Variants in USP4 observed in about 807,000 individuals in gnomAD.
USP4 encodes the protein ubiquitin carboxyl-terminal hydrolase 4.
Under a neutral mutation model 118.2 loss-of-function variants are expected in USP4, and 72 were observed. The observed-to-expected ratio is 0.61, with a 90% CI of 0.50 to 0.74. The LOEUF is 0.74. USP4 is among the 30% of genes least tolerant of loss of function. USP4 has a pLI of 0.00. For synonymous variants in USP4, 415 were observed against 440.4 expected (o/e 0.94, Z 0.72); for missense variants, 1,037 against 1,185.7 (o/e 0.87, Z 1.84).
chr3:49,318,486 AAG>A, intron 6 of USP4: 9 of 985,450 alleles, frequency 9.1e-6, no homozygotes, highest in Non-Finnish European at 1.1e-5. Context: ...GAAAGAGACA[AAG>A]CCAGGTCTAC....
At chr3:49,290,282 C>T (rs561703014) in intron 15 of USP4, among the ~76,000 whole-genome samples, 14 of 152,212 alleles carry the variant, frequency 9.2e-5, no homozygotes, top group Admixed American at 7.9e-4. Context: ...AGTGTGGTGG[C>T]GCACACCTAT....
At chr3:49,287,387 C>T (rs2047107153) in intron 15 of USP4, among the ~76,000 whole-genome samples, 1 of 152,092 alleles carries the variant, frequency 6.6e-6, no homozygotes, top group Non-Finnish European at 1.5e-5. Context: ...AGCTCCTGAC[C>T]TCGTGATCCG....
chr3:49,337,438 T>C (rs1387740676), intron 1 of USP4, among the ~76,000 whole-genome samples: 1 of 152,106 alleles, frequency 6.6e-6, no homozygotes, highest in African/African-American at 2.4e-5. Flanking sequence ...TGGTATTTTA[T>C]TTACCTATTT....
At chr3:49,295,038 C>T (rs2047188125) in intron 13 of USP4, among the ~76,000 whole-genome samples, 1 of 152,042 alleles carries the variant, frequency 6.6e-6, no homozygotes, top group South Asian at 2.1e-4. Flanking sequence ...GCCTGTAATC[C>T]CAGCACTTTG....
chr3:49,324,408 A>T (rs545071661), intron 6 of USP4, among the ~76,000 whole-genome samples: 8 of 152,310 alleles, frequency 5.3e-5, no homozygotes, highest in African/African-American at 1.9e-4. Context: ...AAAACAAAGC[A>T]ACCTCCTGGT....
chr3:49,339,465 T>C (rs192958257), intron 1 of USP4, among the ~76,000 whole-genome samples: 1 of 152,362 alleles, frequency 6.6e-6, no homozygotes, highest in East Asian at 1.9e-4. Flanking sequence ...GCTTCTGACC[T>C]TGACATCTGT....
In USP4 at chr3:49,298,691, C is replaced by A. The variant is rs146482190; in HGVS notation, c.1513-56G>T. 102 of 1,493,626 alleles carry A rather than the reference C, an allele frequency of 6.8e-5. No individual in the cohort carries two copies. The East Asian group carries it at 1.1e-3, about 16-fold the overall frequency. The allele number at this position is 1,493,626 out of a possible 1,614,324, so 92.5% of individuals were successfully genotyped here. On this transcript the variant is annotated intron_variant, in intron 11 of 21. Coordinates refer to ENST00000265560, the MANE Select transcript of USP4 (RefSeq NM_003363.4). The stretch of plus-strand genomic sequence containing the variant: ...GGTGCCCCACAAAGGGTGCGAAATG[C>A]ATTAGGAGAAGCAGGCATCACTAGG...
chr3:49,319,973 A>T (rs753455031), intron 6 of USP4, among the ~76,000 whole-genome samples: 1 of 152,040 alleles, frequency 6.6e-6, no homozygotes, highest in Non-Finnish European at 1.5e-5. Context: ...GCTGCAGTGC[A>T]GTGCACAATT....
At chr3:49,330,785 T>C (rs1310358712) in intron 2 of USP4, among the ~76,000 whole-genome samples, 10 of 137,922 alleles carry the variant, frequency 7.3e-5, no homozygotes, top group African/African-American at 2.7e-4. Flanking sequence ...CCGAGATGGG[T>C]GGATCACGAG....
rs370067968 is a variant in USP4, at chr3:49,284,535, GTCT to G, written c.2318_2320del (p.Lys773del). The G allele has an allele frequency of 2.1e-4, 339 of 1,613,884 alleles. No individual in the cohort carries two copies. The African/African-American group carries it at 3.5e-3, about 17-fold the overall frequency. On this transcript the variant is annotated inframe_deletion, in exon 18 of 22. Coordinates refer to ENST00000265560, the MANE Select transcript of USP4 (RefSeq NM_003363.4). ...GATGCAGTCTCTCAGGGCCACTGTG[GTCT>G]TCTTCTTCTTCTGAGGCTGCAACAT...
chr3:49,290,322 G>T (rs1410949495), intron 15 of USP4, among the ~76,000 whole-genome samples: 1 of 152,170 alleles, frequency 6.6e-6, no homozygotes, highest in African/African-American at 2.4e-5. Flanking sequence ...GCTGAGGTGG[G>T]AGAATCCCCT....
intron 13 of USP4, among the ~76,000 whole-genome samples, chr3:49,295,007 T>G (rs961818303): frequency 6.6e-6 from 1 of 152,108 alleles, no homozygotes; most frequent in Non-Finnish European, 1.5e-5. Flanking sequence ...TGTATTGAGT[T>G]GGCTGGGCGC....
intron 6 of USP4, chr3:49,317,254 C>A (rs769548065): frequency 1.3e-6 from 2 of 1,541,160 alleles, no homozygotes; most frequent in Admixed American, 1.7e-5. Flanking sequence ...GGCAATCTTG[C>A]GTGCCAGGTT....
At chr3:49,328,415 T>A (rs2047579942) in intron 2 of USP4, among the ~76,000 whole-genome samples, 1 of 152,038 alleles carries the variant, frequency 6.6e-6, no homozygotes, top group Non-Finnish European at 1.5e-5. Context: ...TCCGACTAGT[T>A]TACACACCTT....
At chr3:49,315,248 T>G (rs2047423196) in intron 6 of USP4, among the ~76,000 whole-genome samples, 1 of 152,098 alleles carries the variant, frequency 6.6e-6, no homozygotes, top group African/African-American at 2.4e-5. Flanking sequence ...CTCGGGAGGC[T>G]AAGCCGAGAG....
chr3:49,295,689 CAT>C (rs1189274422), intron 13 of USP4, among the ~76,000 whole-genome samples: 3 of 150,874 alleles, frequency 2.0e-5, no homozygotes, highest in African/African-American at 7.4e-5. Flanking sequence ...TGAAACTAAA[CAT>C]ATGCACGTGT....
At position 49,284,453 on chromosome 3, in the gene USP4, A is replaced by G; in HGVS notation, c.2390+13T>C. 1 of 1,606,386 alleles carries G rather than the reference A, an allele frequency of 6.2e-7. No individual in the cohort carries two copies. The highest frequency in any genetic ancestry group is 8.5e-7 in the Non-Finnish European group (1 of 1,173,730). ...GCATGGGGCCTCTGCCCAGACAGTG[A>G]GGAGCTGCGTACCAGGGGTCATGCT... On this transcript the variant is annotated intron_variant, in intron 18 of 21. Transcript: ENST00000265560.
At chr3:49,290,084 T>C (rs893148676) in intron 15 of USP4, among the ~76,000 whole-genome samples, 12 of 152,204 alleles carry the variant, frequency 7.9e-5, no homozygotes, top group African/African-American at 2.7e-4. Context: ...ATTGCGCCAC[T>C]GTATTCCAGC....
intron 9 of USP4, among the ~76,000 whole-genome samples, chr3:49,302,909 A>C (rs2047275845): frequency 6.6e-6 from 1 of 152,192 alleles, no homozygotes; most frequent in African/African-American, 2.4e-5. Context: ...TACTTTCATC[A>C]GCTGGAGGAA....
Sources: gnomAD v4.1 joint callset for allele counts (sites outside exome capture counted in the v4.1 genomes callset) on GRCh38, gnomAD v4.1.1 for gene constraint, MANE v1.5 for transcripts, NCBI Gene and HGNC (gene_info 2026-07-23, HGNC 2026-07-21) for gene names.